The following NGEF variants were observed in gnomAD, a reference collection of about 807,000 sequenced individuals.
NGEF encodes the protein neuronal guanine nucleotide exchange factor, also known as ephexin-1.
NGEF carries 31 observed loss-of-function variants against 80.9 expected under a neutral mutation model. The observed-to-expected ratio is 0.38, with a 90% CI of 0.29 to 0.52. The LOEUF is 0.52. Ranked by LOEUF, NGEF falls within the 20% of genes least tolerant of loss-of-function variation. NGEF has a pLI of 0.84. For missense variants in NGEF, 709 were observed against 926.2 expected (o/e 0.77, Z 3.04); for synonymous variants, 371 against 370.2 (o/e 1.00, Z -0.03).
rs1333097474 is a variant in NGEF at position 232,953,513 on chromosome 2, A to ATTTT, written c.383+16700_383+16701insAAAA. On this transcript the variant is annotated intron_variant, in intron 3 of 14. Transcript: ENST00000264051. ...GACTTACATTCTTTTTTTTTTTAAA[A>ATTTT]AAAAAAGAAAAAGTTTAACATACAT... Among the ~76,000 whole-genome samples the ATTTT allele has an allele frequency of 2.0e-3, 271 of 135,360 alleles. 1 individual carries two copies. Among genetic ancestry groups the ATTTT allele is most frequent in the East Asian group, 4.1e-3 (19 of 4,664 alleles). 88.8% of individuals were successfully genotyped at this position (135,360 alleles called of 152,430 possible).
intron 5 of NGEF, among the ~76,000 whole-genome samples, chr2:232,912,937 T>C (rs1206728523): frequency 1.3e-5 from 2 of 152,208 alleles, no homozygotes; most frequent in Non-Finnish European, 2.9e-5. Flanking sequence ...TATTAATCTT[T>C]TCAAAGAATT....
intron 3 of NGEF, among the ~76,000 whole-genome samples, chr2:232,932,976 G>C (rs1574620862): frequency 2.0e-5 from 3 of 151,922 alleles, no homozygotes; most frequent in Admixed American, 2.0e-4. Context: ...CAGCATGGTG[G>C]TAGGTGCCTG....
intron 10 of NGEF, 106 bp downstream of exon 10, chr2:232,885,174 G>A: frequency 1.0e-6 from 1 of 1,004,366 alleles, no homozygotes; most frequent in Admixed American, 2.0e-5. Context: ...TGTGGCCAGT[G>A]ACCAAGGACC....
At chr2:232,942,762 C>T (rs1250009978) in intron 3 of NGEF, among the ~76,000 whole-genome samples, 2 of 143,038 alleles carry the variant, frequency 1.4e-5, no homozygotes, top group African/African-American at 5.2e-5. Context: ...ATCCCAGCTA[C>T]TTGGGAGGCT....
intron 5 of NGEF, among the ~76,000 whole-genome samples, chr2:232,911,337 T>G (rs1692687749): frequency 6.6e-6 from 1 of 152,216 alleles, no homozygotes; most frequent in African/African-American, 2.4e-5. Context: ...GGTTTATTTC[T>G]GAATTTTCTT....
chr2:232,962,521 C>T (rs1011187518), intron 3 of NGEF, among the ~76,000 whole-genome samples: 31 of 151,968 alleles, frequency 2.0e-4, no homozygotes, highest in African/African-American at 7.0e-4. Context: ...TGCACTCTAG[C>T]CTGGGTAATA....
At chr2:232,882,364 T>A in intron 12 of NGEF, 99 bp from the exon 13 acceptor site, 1 of 1,093,006 alleles carries the variant, frequency 9.1e-7, no homozygotes, top group Non-Finnish European at 1.4e-6. Flanking sequence ...CGGATCTGCG[T>A]CCACCATCCT....
intron 12 of NGEF, 58 bp downstream of exon 12, chr2:232,883,253 G>A (rs1197196113): frequency 2.1e-5 from 32 of 1,530,110 alleles, no homozygotes; most frequent in South Asian, 6.3e-5. Context: ...CATAGGCATC[G>A]AGGCCACACA....
At chr2:232,888,512 C>T (rs12992588) in intron 8 of NGEF, among the ~76,000 whole-genome samples, 25,404 of 151,912 alleles carry the variant, frequency 0.17, 2,668 homozygotes, top group Non-Finnish European at 0.22. Context: ...AACATGCATA[C>T]AAGCATGTGT....
At chr2:232,973,316 G>T (rs1360980140) in intron 2 of NGEF, among the ~76,000 whole-genome samples, 1 of 152,172 alleles carries the variant, frequency 6.6e-6, no homozygotes, top group Non-Finnish European at 1.5e-5. Context: ...CTTCCACGAC[G>T]ATAGTATTTC....
intron 6 of NGEF, among the ~76,000 whole-genome samples, chr2:232,894,390 T>TCTGTCC (rs1478872842): frequency 6.6e-6 from 1 of 152,178 alleles, no homozygotes; most frequent in African/African-American, 2.4e-5. Flanking sequence ...ATGGACACCT[T>TCTGTCC]CTGTCCCTGT....
intron 1 of NGEF, among the ~76,000 whole-genome samples, chr2:232,998,374 A>T (rs942553277): frequency 6.6e-6 from 1 of 152,160 alleles, no homozygotes; most frequent in Non-Finnish European, 1.5e-5. Flanking sequence ...GTATCAGCAC[A>T]GGGGAGGTGG....
At chr2:232,884,571 G>A (rs1440487736) in intron 10 of NGEF, among the ~76,000 whole-genome samples, 1 of 152,230 alleles carries the variant, frequency 6.6e-6, no homozygotes, top group Non-Finnish European at 1.5e-5. Flanking sequence ...CCTGTGGGAT[G>A]CAGAATCAGA....
intron 4 of NGEF, among the ~76,000 whole-genome samples, chr2:232,926,274 C>T (rs1693064275): frequency 6.6e-6 from 1 of 151,938 alleles, no homozygotes; most frequent in Non-Finnish European, 1.5e-5. Flanking sequence ...AGTAAGGGAA[C>T]CTATATCATT....
chr2:232,899,491 C>G (rs2106244480), intron 5 of NGEF, among the ~76,000 whole-genome samples: 1 of 152,322 alleles, frequency 6.6e-6, no homozygotes, highest in East Asian at 1.9e-4. Context: ...GCTGATGGGT[C>G]AGGGGTCTCC....
At chr2:232,889,245 T>C (rs1691801484) in intron 8 of NGEF, among the ~76,000 whole-genome samples, 1 of 152,222 alleles carries the variant, frequency 6.6e-6, no homozygotes, top group Admixed American at 6.5e-5. Context: ...CTCACAGGCA[T>C]AAAAGCTGCA....
chr2:233,008,599 T>A (rs1392797258), intron 1 of NGEF, among the ~76,000 whole-genome samples: 1 of 152,216 alleles, frequency 6.6e-6, no homozygotes, highest in Non-Finnish European at 1.5e-5. Context: ...TGTCACTGCC[T>A]CTGTGGTTCC....
At chr2:232,894,942 C>A in intron 5 of NGEF, 26 bp from the exon 6 acceptor site, 1 of 1,540,454 alleles carries the variant, frequency 6.5e-7, no homozygotes, top group South Asian at 1.2e-5. Flanking sequence ...CCCATGGTTA[C>A]CGCCTGAAGT....
chr2:232,894,982 TGA>T, intron 5 of NGEF, 66 bp from the exon 6 acceptor site: 1 of 1,497,500 alleles, frequency 6.7e-7, no homozygotes, highest in South Asian at 1.3e-5. Flanking sequence ...TAGCCTTGGC[TGA>T]GACAGAGGAG....
Sources: allele counts gnomAD v4.1 joint callset (sites outside exome capture counted in the v4.1 genomes callset), GRCh38; gene constraint gnomAD v4.1.1; transcripts MANE v1.5; gene names NCBI Gene and HGNC (gene_info 2026-07-23, HGNC 2026-07-21).